Variants in MOB1B observed in about 807,000 individuals in gnomAD.
MOB1B encodes MOB1 Mps One Binder homolog B.
In MOB1B, 19 loss-of-function variants were observed where a neutral mutation model predicts 24.4. The observed-to-expected ratio is 0.78, with a 90% CI of 0.54 to 1.14. The LOEUF (loss-of-function observed/expected upper bound fraction) is 1.14. Among genes scored for constraint, MOB1B ranks in the 50% most tolerant of loss-of-function variants. The pLI, the probability that MOB1B is intolerant of heterozygous loss-of-function variation, is 0.00. For synonymous variants in MOB1B, 76 were observed against 82.1 expected (o/e 0.93, Z 0.40); for missense variants, 243 against 259.6 (o/e 0.94, Z 0.44).
rs118083384 is a variant in MOB1B at position 70,974,975 on chromosome 4, T to G, written c.276-178T>G. ...CATGAGTTTGTTGGGATCTACTTAGTTTGGATTGTGATAAACGCAAAGTAG... is the reference window on the plus strand; with the variant it reads ...CATGAGTTTGTTGGGATCTACTTAGGTTGGATTGTGATAAACGCAAAGTAG... On this transcript the variant is annotated intron_variant, in intron 3 of 5. Transcript: ENST00000309395. Among the ~76,000 whole-genome samples, 16 of 152,346 alleles carry G rather than the reference T, an allele frequency of 1.1e-4. No homozygotes were observed. The East Asian group carries it at 3.1e-3, about 29-fold the overall frequency.
At chr4:70,977,259 A>G (rs781530100) in intron 4 of MOB1B, among the ~76,000 whole-genome samples, 1 of 152,074 alleles carries the variant, frequency 6.6e-6, no homozygotes, top group Non-Finnish European at 1.5e-5. Context: ...GGAAATGTGC[A>G]CTTTAGTCAT....
intron 1 of MOB1B, among the ~76,000 whole-genome samples, chr4:70,926,646 T>C (rs1192684436): frequency 6.6e-6 from 1 of 152,168 alleles, no homozygotes; most frequent in Non-Finnish European, 1.5e-5. Context: ...ATTGAACACC[T>C]CCTGTGTGTA....
intron 1 of MOB1B, among the ~76,000 whole-genome samples, chr4:70,940,835 C>T (rs1466595438): frequency 6.6e-6 from 1 of 152,052 alleles, no homozygotes; most frequent in Admixed American, 6.6e-5. Context: ...CACCACCACG[C>T]CCGGCTAATT....
At chr4:70,966,767 A>T (rs2148898088) in intron 2 of MOB1B, among the ~76,000 whole-genome samples, 1 of 152,064 alleles carries the variant, frequency 6.6e-6, no homozygotes, top group East Asian at 1.9e-4. Flanking sequence ...AGGTGGGAGG[A>T]TTGTTTGAAC....
chr4:70,963,979 G>A (rs1457027856), intron 2 of MOB1B, among the ~76,000 whole-genome samples: 4 of 152,136 alleles, frequency 2.6e-5, no homozygotes, highest in Non-Finnish European at 2.9e-5. Flanking sequence ...AAAGAATCCC[G>A]ATAGTCGTGT....
intron 1 of MOB1B, among the ~76,000 whole-genome samples, chr4:70,956,663 G>A (rs955959557): frequency 2.0e-5 from 3 of 151,516 alleles, no homozygotes; most frequent in African/African-American, 7.3e-5. Context: ...CAAGCAATCT[G>A]CCCGCCTCGA....
intron 1 of MOB1B, among the ~76,000 whole-genome samples, chr4:70,906,719 G>T (rs1735763805): frequency 6.6e-6 from 1 of 152,174 alleles, no homozygotes; most frequent in Non-Finnish European, 1.5e-5. Context: ...CAGAGCTTTG[G>T]TTGTGCCGCA....
chr4:70,948,166 G>T (rs957097373), intron 1 of MOB1B, among the ~76,000 whole-genome samples: 1 of 152,176 alleles, frequency 6.6e-6, no homozygotes, highest in African/African-American at 2.4e-5. Context: ...CCAAGTAGTA[G>T]AGAACTACCA....
At position 70,975,220 on chromosome 4, in the gene MOB1B, A is replaced by G; in HGVS notation, c.343A>G (p.Ile115Val). The G allele has an allele frequency of 1.2e-6, 2 of 1,613,606 alleles. No homozygotes were observed. The highest frequency in any genetic ancestry group is 1.7e-6 in the Non-Finnish European group (2 of 1,179,722). Residue 115 changes from isoleucine to valine, a missense_variant, in exon 4 of 6, where the codon ATT becomes GTT. Coordinates refer to ENST00000309395, the MANE Select transcript of MOB1B (RefSeq NM_173468.4). ...TATTAAGTGCTCTGCACCAAAGTAT[A>G]TTGATTACTTGATGACTTGGGTTCA... ...KPIKCSAPKY[I>V]DYLMTWVQDQ...
chr4:70,903,775 A>G (rs1735621347), intron 1 of MOB1B, among the ~76,000 whole-genome samples: 1 of 152,016 alleles, frequency 6.6e-6, no homozygotes. Flanking sequence ...AAAACTGAAC[A>G]AGGCTGACCT....
Position 70,956,341 on chromosome 4 carries a change from T to C in MOB1B, c.15-2533T>C, listed in dbSNP as rs1005084606. ...GGGAGCCCCACTGTGTTGCCCAGAT[T>C]TGTCTTGAACTCCTAGGTTCAGGCG... On this transcript the variant is annotated intron_variant, in intron 1 of 5. Transcript: ENST00000309395. 5.3e-5 allele frequency among the ~76,000 whole-genome samples: 8 copies of C among 152,188 alleles called. No homozygotes were observed. In the East Asian group the frequency reaches 1.5e-3, roughly 29 times the overall value.
chr4:70,944,711 G>T (rs1339694922), intron 1 of MOB1B, among the ~76,000 whole-genome samples: 3 of 152,128 alleles, frequency 2.0e-5, no homozygotes, highest in Non-Finnish European at 4.4e-5. Context: ...GGGAGAGCAG[G>T]TACGTCACAT....
chr4:70,902,462 T>G lies in MOB1B; in HGVS notation c.-75T>G. The G allele has an allele frequency of 6.6e-7, 1 of 1,504,232 alleles. No individual in the cohort carries two copies. Among genetic ancestry groups the G allele is most frequent in the Admixed American group, 2.0e-5 (1 of 51,020 alleles). 93.2% of individuals were successfully genotyped at this position (1,504,232 alleles called of 1,614,324 possible). ...CTCCCTGTCTCCTGTTCCATTCGCC[T>G]TTCCTCTTCTTTCCTGGCCCACGCC... is the stretch of plus-strand genomic sequence containing the variant. On this transcript the variant is annotated 5_prime_UTR_variant, in exon 1 of 6. Coordinates refer to ENST00000309395, the MANE Select transcript of MOB1B (RefSeq NM_173468.4).
At chr4:70,924,435 C>T (rs1175232004) in intron 1 of MOB1B, among the ~76,000 whole-genome samples, 1 of 152,164 alleles carries the variant, frequency 6.6e-6, no homozygotes. Context: ...GCCCTTTAAT[C>T]TTCATCAGTG....
chr4:70,910,980 GT>G (rs1735960897), intron 1 of MOB1B, among the ~76,000 whole-genome samples: 1 of 152,130 alleles, frequency 6.6e-6, no homozygotes, highest in Non-Finnish European at 1.5e-5. Flanking sequence ...TATGGATGGG[GT>G]TTCACCATAT....
At chr4:70,961,227 C>T (rs1177859213) in intron 2 of MOB1B, among the ~76,000 whole-genome samples, 1 of 152,154 alleles carries the variant, frequency 6.6e-6, no homozygotes, top group Admixed American at 6.5e-5. Context: ...TATAGTCTCT[C>T]TCTTTCAAAA....
At chr4:70,936,806 G>C (rs1737104520) in intron 1 of MOB1B, among the ~76,000 whole-genome samples, 1 of 152,190 alleles carries the variant, frequency 6.6e-6, no homozygotes, top group African/African-American at 2.4e-5. Flanking sequence ...TTGGCATTAT[G>C]TCAGAGGAGT....
intron 1 of MOB1B, among the ~76,000 whole-genome samples, chr4:70,929,366 A>G (rs1011472664): frequency 1.3e-5 from 2 of 151,930 alleles, no homozygotes; most frequent in Admixed American, 6.6e-5. Context: ...CTTAGTAGAC[A>G]AGGGATTTTC....
intron 2 of MOB1B, among the ~76,000 whole-genome samples, chr4:70,960,931 C>A (rs910587010): frequency 6.6e-6 from 1 of 152,066 alleles, no homozygotes; most frequent in Non-Finnish European, 1.5e-5. Flanking sequence ...AATTTTCTGT[C>A]TGTATTCTGT....
Sources: allele counts gnomAD v4.1 joint callset (sites outside exome capture counted in the v4.1 genomes callset), GRCh38; gene constraint gnomAD v4.1.1; transcripts MANE v1.5; gene names NCBI Gene and HGNC (gene_info 2026-07-23, HGNC 2026-07-21).